FBXO11: variants seen among roughly 807,000 people sequenced by gnomAD.
The protein encoded by FBXO11 is F-box only protein 11.
FBXO11 carries 13 observed loss-of-function variants against 117.0 expected under a neutral mutation model. The observed-to-expected ratio is 0.11, with a 90% confidence interval of 0.07 to 0.18. The LOEUF (loss-of-function observed/expected upper bound fraction) is 0.18, where lower values mean the gene tolerates loss of function less well. FBXO11 is among the 10% of genes least tolerant of loss of function. The pLI is 1.00. For missense variants in FBXO11, 767 were observed against 1,164.4 expected (o/e 0.66, Z 4.97); for synonymous variants, 490 against 380.5 (o/e 1.29, Z -3.35).
chr2:47,900,654 ATACACACACGTACGTATATACACACG>A lies in FBXO11; in HGVS notation c.232+4809_232+4834del, dbSNP rs1355538444. On this transcript the variant is annotated intron_variant, in intron 1 of 22. Coordinates refer to ENST00000403359, the MANE Select transcript of FBXO11 (RefSeq NM_001190274.2). Reference sequence around the variant, plus strand: ...CACACACGTACGTATATACACACGTATACACACACGTACGTATATACACACGTATACACACACGTATACACACACGT... The same window carrying A: ...CACACACGTACGTATATACACACGTATATACACACACGTATACACACACGT... Among the ~76,000 whole-genome samples, 8 of 108,056 alleles carry A rather than the reference ATACACACACGTACGTATATACACACG, an allele frequency of 7.4e-5. 1 individual carries two copies. Among genetic ancestry groups the A allele is most frequent in the Admixed American group, 1.0e-4 (1 of 9,620 alleles). The allele number at this position is 108,056 out of a possible 152,430, so 70.9% of individuals were successfully genotyped here.
At chr2:47,850,184 G>A (rs1433730864) in intron 1 of FBXO11, among the ~76,000 whole-genome samples, 1 of 152,110 alleles carries the variant, frequency 6.6e-6, no homozygotes, top group African/African-American at 2.4e-5. Flanking sequence ...AGAAGAGGTT[G>A]GAACCAAATT....
intron 1 of FBXO11, among the ~76,000 whole-genome samples, chr2:47,859,953 A>AT (rs1409247878): frequency 6.6e-6 from 1 of 152,114 alleles, no homozygotes; most frequent in Admixed American, 6.5e-5. Context: ...AAGTTCATAG[A>AT]TTTTCCCCCC....
Position 47,807,266 on chromosome 2 carries a change from G to A in FBXO11, c.*852C>T, listed in dbSNP as rs1393983237. ...CAAATACAGGACTGTTTGTTTTGAA[G>A]AGACTTTCTAAAGTGTACTTAAAAC... On this transcript the variant is annotated 3_prime_UTR_variant, in exon 23 of 23. Transcript: ENST00000403359. The A allele has an allele frequency of 8.9e-6, 2 of 224,744 alleles. No individual in the cohort carries two copies. The highest frequency in any genetic ancestry group is 8.9e-6 in the Non-Finnish European group (1 of 112,650). The allele number at this position is 224,744 out of a possible 1,614,324, so 13.9% of individuals were successfully genotyped here.
At chr2:47,857,295 T>A (rs1014738555) in intron 1 of FBXO11, among the ~76,000 whole-genome samples, 3 of 151,954 alleles carry the variant, frequency 2.0e-5, no homozygotes, top group African/African-American at 7.3e-5. Context: ...TTTTTTTTTT[T>A]AAATCAGCAG....
At chr2:47,892,486 T>C (rs1677329679) in intron 1 of FBXO11, among the ~76,000 whole-genome samples, 1 of 152,196 alleles carries the variant, frequency 6.6e-6, no homozygotes, top group South Asian at 2.1e-4. Flanking sequence ...CAGCTCAGTT[T>C]TTCAACTCTA....
At chr2:47,870,142 C>T (rs1675516572) in intron 1 of FBXO11, among the ~76,000 whole-genome samples, 1 of 152,232 alleles carries the variant, frequency 6.6e-6, no homozygotes, top group African/African-American at 2.4e-5. Context: ...ATCAGCTCTC[C>T]TGAGTGTCTC....
At chr2:47,820,642 T>C (rs1473218748) in intron 13 of FBXO11, among the ~76,000 whole-genome samples, 186 bp from the exon 14 acceptor site, 1 of 152,220 alleles carries the variant, frequency 6.6e-6, no homozygotes, top group Non-Finnish European at 1.5e-5. Context: ...AGCTATGCTA[T>C]AGTTGTGGAG....
In FBXO11 at chr2:47,906,310, C is replaced by A. The variant is rs929122344; in HGVS notation, c.-590G>T. Reference sequence around the variant, plus strand: ...CTTTCTTCGGTCTCTTCTCTCTCCTCCCCCCCTTCTCTCCTCGGCGAAGGG... The same window carrying A: ...CTTTCTTCGGTCTCTTCTCTCTCCTACCCCCCTTCTCTCCTCGGCGAAGGG... On this transcript the variant is annotated 5_prime_UTR_variant, in exon 1 of 23. Transcript: ENST00000403359. Among the ~76,000 whole-genome samples the A allele has an allele frequency of 3.3e-5, 5 of 152,056 alleles. No individual in the cohort carries two copies. Among genetic ancestry groups the A allele is most frequent in the African/African-American group, 1.2e-4 (5 of 41,392 alleles).
rs560744285 is a variant in FBXO11 at position 47,900,278 on chromosome 2, C to G, written c.232+5211G>C. 6.6e-5 allele frequency among the ~76,000 whole-genome samples: 10 copies of G among 152,200 alleles called. No homozygotes were observed. The South Asian group carries it at 2.1e-3, about 32-fold the overall frequency. On this transcript the variant is annotated intron_variant, in intron 1 of 22. Transcript: ENST00000403359. Reference sequence around the variant, plus strand: ...AAAAGGTTGAGTGGCACTGTCTCCTCTCATGGGATACATTTGGAAGGGTTA... The same window carrying G: ...AAAAGGTTGAGTGGCACTGTCTCCTGTCATGGGATACATTTGGAAGGGTTA...
intron 11 of FBXO11, among the ~76,000 whole-genome samples, chr2:47,824,904 T>C (rs1345313466): frequency 6.6e-6 from 1 of 152,224 alleles, no homozygotes; most frequent in Non-Finnish European, 1.5e-5. Flanking sequence ...TTACTCTCTT[T>C]CCTCTTTAAA....
intron 1 of FBXO11, among the ~76,000 whole-genome samples, chr2:47,877,502 T>TG (rs934877771): frequency 1.3e-5 from 2 of 152,062 alleles, no homozygotes; most frequent in Admixed American, 1.3e-4. Flanking sequence ...CTGATGAAGG[T>TG]GTTGACTTGG....
intron 1 of FBXO11, among the ~76,000 whole-genome samples, chr2:47,893,236 T>C (rs1215392710): frequency 6.6e-6 from 1 of 152,162 alleles, no homozygotes; most frequent in Non-Finnish European, 1.5e-5. Flanking sequence ...CTTTATCTTA[T>C]TAACATTTCA....
intron 1 of FBXO11, among the ~76,000 whole-genome samples, chr2:47,862,305 T>C (rs1674838845): frequency 6.6e-6 from 1 of 152,162 alleles, no homozygotes; most frequent in Non-Finnish European, 1.5e-5. Flanking sequence ...GCTCCGCTGT[T>C]CAAGATACAT....
chr2:47,807,313 C>A lies in FBXO11; in HGVS notation c.*805G>T, dbSNP rs1337004962. ...AAACATAGTAGTTTTTTACCTTTCA[C>A]AAAACTGAGTTACAAGAATACTTTT... On this transcript the variant is annotated 3_prime_UTR_variant, in exon 23 of 23. Coordinates refer to ENST00000403359, the MANE Select transcript of FBXO11 (RefSeq NM_001190274.2). 7 of 214,902 alleles carry A rather than the reference C, an allele frequency of 3.3e-5. No individual in the cohort carries two copies. The highest frequency in any genetic ancestry group is 6.6e-5 in the Non-Finnish European group (7 of 106,464). 13.3% of individuals were successfully genotyped at this position (214,902 alleles called of 1,614,324 possible).
chr2:47,883,443 G>A (rs187366965), intron 1 of FBXO11: 9 of 398,600 alleles, frequency 2.3e-5, no homozygotes. Flanking sequence ...CAACCTCAGA[G>A]CCGCCACCAA....
At chr2:47,873,539 G>GGGTT (rs1315597199) in intron 1 of FBXO11, among the ~76,000 whole-genome samples, 2 of 152,076 alleles carry the variant, frequency 1.3e-5, no homozygotes, top group East Asian at 3.9e-4. Context: ...CAGTGCTCCT[G>GGGTT]GGTTTTATCC....
chr2:47,890,886 T>C (rs921283145), intron 1 of FBXO11, among the ~76,000 whole-genome samples: 6 of 152,134 alleles, frequency 3.9e-5, no homozygotes, highest in South Asian at 2.1e-4. Flanking sequence ...GGTGCAATCA[T>C]AGCTCACCGC....
In FBXO11 at chr2:47,823,127, A is replaced by G. The variant is rs2104738374; in HGVS notation, c.1616+16T>C. 9 of 1,560,030 alleles carry G rather than the reference A, an allele frequency of 5.8e-6. No homozygotes were observed. Among genetic ancestry groups the G allele is most frequent in the Non-Finnish European group, 7.9e-6 (9 of 1,145,248 alleles). On this transcript the variant is annotated intron_variant, in intron 12 of 22. Coordinates refer to ENST00000403359, the MANE Select transcript of FBXO11 (RefSeq NM_001190274.2). ...AAGTGAAAAAGTAATTTTCACCCAT[A>G]ATTATATGTAAATACCTTATTGTTG...
intron 1 of FBXO11, among the ~76,000 whole-genome samples, chr2:47,863,166 T>C (rs546281327): frequency 6.6e-6 from 1 of 151,510 alleles, no homozygotes; most frequent in East Asian, 1.9e-4. Context: ...TATTTCAATA[T>C]AGAAAATAAA....
Sources: gnomAD v4.1 joint callset for allele counts (sites outside exome capture counted in the v4.1 genomes callset) on GRCh38, gnomAD v4.1.1 for gene constraint, MANE v1.5 for transcripts, NCBI Gene and HGNC (gene_info 2026-07-23, HGNC 2026-07-21) for gene names.